Variants in SHD observed in about 807,000 individuals in gnomAD.
The protein encoded by SHD is Src homology 2 domain containing transforming protein D, also known as SH2 domain-containing adapter protein D.
In SHD, 29 loss-of-function variants were observed where a neutral mutation model predicts 31.2. The observed-to-expected ratio is 0.93, with a 90% CI of 0.69 to 1.27. The LOEUF is 1.27. SHD is among the 50% of genes most tolerant of loss of function. The pLI is 0.00. For synonymous variants in SHD, 208 were observed against 187.8 expected, an observed-to-expected ratio of 1.11 and a Z score of -0.88; for missense variants, 520 against 453.8, an observed-to-expected ratio of 1.15 and a Z score of -1.33.
At chr19:4,288,213 C>T (rs1264421078) in intron 4 of SHD, 30 bp from the exon 5 acceptor site, 1 of 1,607,222 alleles carries the variant, frequency 6.2e-7, no homozygotes, top group East Asian at 2.2e-5. Flanking sequence ...GGGAATGGCC[C>T]TTGATGAGAC....
chr19:4,284,613 G>A (rs2144716734), intron 3 of SHD, 168 bp from the exon 4 acceptor site: 1 of 697,390 alleles, frequency 1.4e-6, no homozygotes, highest in Non-Finnish European at 2.1e-6. Flanking sequence ...AAGGCCAAAA[G>A]GTTGCACCTG....
chr19:4,284,618 C>T (rs1213373018), intron 3 of SHD, 163 bp from the exon 4 acceptor site: 20 of 745,524 alleles, frequency 2.7e-5, no homozygotes. Context: ...CAAAAGGTTG[C>T]ACCTGTGGCC....
intron 5 of SHD, among the ~76,000 whole-genome samples, chr19:4,289,488 C>T (rs1428881075): frequency 2.0e-5 from 3 of 151,828 alleles, no homozygotes; most frequent in East Asian, 1.9e-4. Flanking sequence ...TCAAGCAATC[C>T]GCCTGACTCG....
chr19:4,281,357 G>A (rs1971254580), intron 1 of SHD, among the ~76,000 whole-genome samples: 1 of 151,280 alleles, frequency 6.6e-6, no homozygotes, highest in South Asian at 2.1e-4. Context: ...GCTGAGGCAG[G>A]AGGATCACTT....
At chr19:4,288,465 G>C (rs1233401997) in intron 5 of SHD, 103 bp downstream of exon 5, 7 of 1,397,674 alleles carry the variant, frequency 5.0e-6, no homozygotes, top group Non-Finnish European at 6.7e-6. Flanking sequence ...CGCAGCCATA[G>C]GGAAGGGCTT....
chr19:4,286,288 T>C (rs34262490), intron 4 of SHD, among the ~76,000 whole-genome samples: 22,658 of 111,710 alleles, frequency 0.2, 2,918 homozygotes, highest in South Asian at 0.27. Context: ...TCTTTTTTTC[T>C]TTCCTTCCTT....
At chr19:4,282,244 AC>A (rs1971263346) in intron 1 of SHD, among the ~76,000 whole-genome samples, 2 of 151,818 alleles carry the variant, frequency 1.3e-5, no homozygotes, top group African/African-American at 2.4e-5. Context: ...ACATGGTGAA[AC>A]CCTGTCTCTA....
chr19:4,285,737 A>G (rs1274827528), intron 4 of SHD, among the ~76,000 whole-genome samples: 1 of 151,654 alleles, frequency 6.6e-6, no homozygotes, highest in South Asian at 2.1e-4. Flanking sequence ...TTCAGTAGAG[A>G]CAGAGTTTCA....
At chr19:4,287,128 T>C (rs4807575) in intron 4 of SHD, among the ~76,000 whole-genome samples, 84,617 of 151,574 alleles carry the variant, frequency 0.56, 25,118 homozygotes, top group African/African-American at 0.77. Flanking sequence ...GGTTAGAGAT[T>C]GAGACCAGCC....
rs370991421 is a variant in SHD at position 4,285,554 on chromosome 19, T to TCCTCCCTC, written c.716+661_716+668dup. On this transcript the variant is annotated intron_variant, in intron 4 of 5. Transcript: ENST00000543264. ...GATTGTTCTCTTTTTTTCTTTCTCT[T>TCCTCCCTC]CCTCCCTCCCTCCCTCCCCGAGTCT... is the stretch of plus-strand genomic sequence containing the variant. 2.8e-3 allele frequency among the ~76,000 whole-genome samples: 430 copies of TCCTCCCTC among 151,660 alleles called. 2 individuals carry two copies. The highest frequency in any genetic ancestry group is 9.7e-3 in the African/African-American group (402 of 41,260).
At chr19:4,286,448 G>A (rs747062526) in intron 4 of SHD, among the ~76,000 whole-genome samples, 5 of 151,506 alleles carry the variant, frequency 3.3e-5, no homozygotes, top group Non-Finnish European at 7.4e-5. Flanking sequence ...GGGATCAAGC[G>A]ATCCTCCAGC....
chr19:4,286,311 CCTT>C (rs1971316997), intron 4 of SHD, among the ~76,000 whole-genome samples: 3 of 138,676 alleles, frequency 2.2e-5, no homozygotes, highest in Non-Finnish European at 4.6e-5. Context: ...TTCCTTCCTT[CCTT>C]CCTACCTTCC....
At chr19:4,283,936 G>T (rs759558036) in intron 3 of SHD, among the ~76,000 whole-genome samples, 14 of 151,934 alleles carry the variant, frequency 9.2e-5, no homozygotes, top group Non-Finnish European at 1.9e-4. Context: ...CAGCTGAATT[G>T]GATGAGCTTG....
Position 4,279,937 on chromosome 19 carries a change from A to T in SHD, c.-127A>T. The T allele has an allele frequency of 8.4e-7, 1 of 1,187,288 alleles. No homozygotes were observed. Among genetic ancestry groups the T allele is most frequent in the South Asian group, 1.6e-5 (1 of 62,244 alleles). The allele number at this position is 1,187,288 out of a possible 1,614,324, so 73.5% of individuals were successfully genotyped here. On this transcript the variant is annotated 5_prime_UTR_variant, in exon 1 of 6. Coordinates refer to ENST00000543264, the MANE Select transcript of SHD (RefSeq NM_020209.4). The surrounding 1 kb of genome is among the most constrained non-coding windows in gnomAD (Gnocchi z 7.5). ...AGAGCCCCGCCAAAGGGCGCACCTG[A>T]TCTTTCTCATCCTTCCCTGCTCTTC...
chr19:4,286,200 CTTTTTCTT>C (rs1971308399), intron 4 of SHD, among the ~76,000 whole-genome samples: 1 of 130,646 alleles, frequency 7.7e-6, no homozygotes. Flanking sequence ...CCCGCTCTTT[CTTTTTCTT>C]TCTTTCTTTC....
intron 3 of SHD, among the ~76,000 whole-genome samples, chr19:4,283,905 A>G (rs963464678): frequency 6.6e-6 from 1 of 152,030 alleles, no homozygotes; most frequent in Non-Finnish European, 1.5e-5. Context: ...AATAGCTGCT[A>G]GTAAACTACA....
chr19:4,288,151 C>T (rs1280319247), intron 4 of SHD, 92 bp from the exon 5 acceptor site: 18 of 1,423,392 alleles, frequency 1.3e-5, no homozygotes, highest in African/African-American at 2.9e-5. Flanking sequence ...GCAATCCGCC[C>T]GCGTCAGCCT....
chr19:4,285,889 CTTT>C (rs56142317), intron 4 of SHD, among the ~76,000 whole-genome samples: 41 of 87,368 alleles, frequency 4.7e-4, no homozygotes, highest in African/African-American at 1.7e-3. Context: ...CTTTTCCTTT[CTTT>C]TTTTTTTTTT....
intron 4 of SHD, among the ~76,000 whole-genome samples, chr19:4,286,483 G>C (rs1001475729): frequency 3.3e-5 from 5 of 151,832 alleles, no homozygotes; most frequent in Admixed American, 1.3e-4. Context: ...GGGACCACAG[G>C]CACGCCATAT....
Sources: gnomAD v4.1 joint callset for allele counts (sites outside exome capture counted in the v4.1 genomes callset) on GRCh38, gnomAD v4.1.1 for gene constraint, Gnocchi (gnomAD v3.1) non-coding constraint, MANE v1.5 for transcripts, NCBI Gene and HGNC (gene_info 2026-07-23, HGNC 2026-07-21) for gene names.